The following RSPRY1 variants were observed in gnomAD, a reference collection of about 807,000 sequenced individuals.
The protein encoded by RSPRY1 is ring finger and SPRY domain containing 1, also known as RING finger and SPRY domain-containing protein 1.
A neutral mutation model predicts 73.1 loss-of-function variants in RSPRY1; 23 were observed. The observed-to-expected ratio is 0.31, with a 90% confidence interval of 0.23 to 0.45. The LOEUF is 0.45. Among genes scored for constraint, RSPRY1 ranks in the 20% least tolerant of loss-of-function variants. The pLI, the probability that RSPRY1 is intolerant of heterozygous loss-of-function variation, is 1.00. For synonymous variants in RSPRY1, 226 were observed against 251.4 expected (o/e 0.90, Z 0.95); for missense variants, 448 against 698.7 (o/e 0.64, Z 4.05).
intron 14 of RSPRY1, 30 bp downstream of exon 14, chr16:57,235,258 A>T: frequency 1.3e-6 from 2 of 1,490,546 alleles, no homozygotes; most frequent in Non-Finnish European, 1.9e-6. Flanking sequence ...GCAAAGTTTC[A>T]TACTGTTCTT....
intron 6 of RSPRY1, among the ~76,000 whole-genome samples, chr16:57,214,429 C>T (rs1395591370): frequency 6.6e-6 from 1 of 152,184 alleles, no homozygotes; most frequent in Non-Finnish European, 1.5e-5. Context: ...TGAGGCTGTG[C>T]CCTCAGATCT....
intron 14 of RSPRY1, among the ~76,000 whole-genome samples, chr16:57,238,450 G>GCCCA (rs2075333006): frequency 6.6e-6 from 1 of 152,064 alleles, no homozygotes; most frequent in African/African-American, 2.4e-5. Flanking sequence ...GCAGAATAAT[G>GCCCA]GAATACAATA....
chr16:57,206,947 C>T (rs1403909207), intron 2 of RSPRY1, among the ~76,000 whole-genome samples: 2 of 152,222 alleles, frequency 1.3e-5, no homozygotes, highest in African/African-American at 4.8e-5. Context: ...ATCTGTGTTA[C>T]TGTATATAAA....
At chr16:57,200,106 T>G (rs1251632590) in intron 1 of RSPRY1, among the ~76,000 whole-genome samples, 2 of 148,248 alleles carry the variant, frequency 1.3e-5, no homozygotes, top group African/African-American at 5.0e-5. Flanking sequence ...TGGTGATGAC[T>G]CTTAACGAGC....
intron 4 of RSPRY1, 90 bp from the exon 5 acceptor site, chr16:57,212,882 G>A: frequency 7.0e-7 from 1 of 1,428,364 alleles, no homozygotes; most frequent in Admixed American, 2.0e-5. Context: ...CAAAGTGCTG[G>A]TTATAGCTTT....
At chr16:57,216,031 A>C (rs572498481) in intron 6 of RSPRY1, 76 bp from the exon 7 acceptor site, 1 of 1,138,322 alleles carries the variant, frequency 8.8e-7, no homozygotes, top group African/African-American at 1.6e-5. Flanking sequence ...TTGGGCAAGG[A>C]AATGAAACTG....
At chr16:57,230,208 A>G (rs1437533953) in intron 11 of RSPRY1, among the ~76,000 whole-genome samples, 1 of 150,764 alleles carries the variant, frequency 6.6e-6, no homozygotes, top group East Asian at 2.0e-4. Context: ...ACGGGGTTTC[A>G]CCATGTTGGC....
At chr16:57,218,324 T>C (rs372397079) in intron 8 of RSPRY1, among the ~76,000 whole-genome samples, 16 of 152,346 alleles carry the variant, frequency 1.1e-4, no homozygotes, top group East Asian at 5.8e-4. Context: ...TTATACTCTT[T>C]TGGTGTTTTA....
Position 57,238,999 on chromosome 16 carries a change from CT to C in RSPRY1, c.*30del. ...GACACATGTGAAGAGGCATCGTGGACTTTTTTCTACTCAATTCCAGCCAATG... is the reference window on the plus strand; with the variant it reads ...GACACATGTGAAGAGGCATCGTGGACTTTTTCTACTCAATTCCAGCCAATG... On this transcript the variant is annotated 3_prime_UTR_variant, in exon 15 of 15. Transcript: ENST00000394420. The C allele has an allele frequency of 8.0e-7, 1 of 1,250,976 alleles. No individual in the cohort carries two copies. The allele number at this position is 1,250,976 out of a possible 1,614,324, so 77.5% of individuals were successfully genotyped here.
intron 10 of RSPRY1, chr16:57,224,369 G>T (rs751524635): frequency 3.3e-5 from 5 of 152,216 alleles, no homozygotes; most frequent in Non-Finnish European, 7.3e-5. Context: ...AACAGGAAAC[G>T]GTTGGGATGC....
intron 6 of RSPRY1, 22 bp downstream of exon 6, chr16:57,213,968 T>C: frequency 1.3e-6 from 2 of 1,544,350 alleles, no homozygotes; most frequent in Non-Finnish European, 1.8e-6. Context: ...ATCAAAACTA[T>C]TTATTCTTAG....
chr16:57,235,381 AAGCAGCTGC>A (rs1438127918), intron 14 of RSPRY1, among the ~76,000 whole-genome samples, 153 bp downstream of exon 14: 2 of 152,212 alleles, frequency 1.3e-5, no homozygotes, highest in African/African-American at 4.8e-5. Context: ...CCTGAAATAG[AAGCAGCTGC>A]TTGATGTGGA....
intron 1 of RSPRY1, among the ~76,000 whole-genome samples, chr16:57,199,129 T>C: frequency 6.6e-6 from 1 of 152,200 alleles, no homozygotes; most frequent in Non-Finnish European, 1.5e-5. Flanking sequence ...ACATATATAC[T>C]GATATAGAAG....
chr16:57,221,541 C>T (rs2075036075), intron 10 of RSPRY1, 126 bp downstream of exon 10: 2 of 985,998 alleles, frequency 2.0e-6, no homozygotes, highest in East Asian at 2.5e-5. Context: ...GGCAGAGCCA[C>T]ATGGTACCAG....
At position 57,212,973 on chromosome 16, in the gene RSPRY1, A is replaced by T. The variant is rs1567501184; in HGVS notation, c.518A>T (p.Asp173Val). The change falls in exon 5 of 15, where the codon GAT becomes GTT. Residue 173 changes from aspartate to valine, a missense_variant and splice_region_variant. Asp to Val is a radical substitution (Grantham distance 152). Coordinates refer to ENST00000394420, the MANE Select transcript of RSPRY1 (RefSeq NM_133368.3). ...CCCACTTGTACTTTTTTGTTTTAGG[A>T]TGCACTCCAGAAATTGACTGAAATT... is the stretch of plus-strand genomic sequence containing the variant. ...LLDECPLPTK[D>V]ALQKLTEILN... 6.2e-7 allele frequency: 1 copy of T among 1,613,236 alleles called. No individual in the cohort carries two copies. The highest frequency in any genetic ancestry group is 8.5e-7 in the Non-Finnish European group (1 of 1,179,624).
Position 57,239,010 on chromosome 16 carries a change from T to A in RSPRY1, c.*35T>A. 1.7e-6 allele frequency: 2 copies of A among 1,149,450 alleles called. No homozygotes were observed. The highest frequency in any genetic ancestry group is 2.6e-6 in the Non-Finnish European group (2 of 779,416). The allele number at this position is 1,149,450 out of a possible 1,614,324, so 71.2% of individuals were successfully genotyped here. A position where few individuals can be genotyped will look rare whatever the true frequency, so the allele number is the denominator to read the frequency against. On this transcript the variant is annotated 3_prime_UTR_variant, in exon 15 of 15. Coordinates refer to ENST00000394420, the MANE Select transcript of RSPRY1 (RefSeq NM_133368.3). ...AGAGGCATCGTGGACTTTTTTCTAC[T>A]CAATTCCAGCCAATGTTGAAAAGAA...
At chr16:57,197,486 A>C (rs575657653) in intron 1 of RSPRY1, among the ~76,000 whole-genome samples, 1 of 152,060 alleles carries the variant, frequency 6.6e-6, no homozygotes, top group East Asian at 1.9e-4. Flanking sequence ...CTTGGTTTTC[A>C]CAGATGGTCC....
intron 1 of RSPRY1, among the ~76,000 whole-genome samples, chr16:57,200,902 C>T (rs1253876147): frequency 2.8e-5 from 3 of 107,828 alleles, no homozygotes; most frequent in Non-Finnish European, 5.6e-5. Context: ...CCAGTAGGGG[C>T]GGCCAGGCAG....
chr16:57,209,270 G>A, intron 4 of RSPRY1, 83 bp downstream of exon 4: 1 of 884,720 alleles, frequency 1.1e-6, no homozygotes. Flanking sequence ...TTGATGTATT[G>A]TGTTTCATCT....
Sources: allele counts gnomAD v4.1 joint callset (sites outside exome capture counted in the v4.1 genomes callset), GRCh38; gene constraint gnomAD v4.1.1; transcripts MANE v1.5; gene names NCBI Gene and HGNC (gene_info 2026-07-23, HGNC 2026-07-21).